The following OSBPL10 variants were observed in gnomAD, a reference collection of about 807,000 sequenced individuals.
The protein encoded by OSBPL10 is oxysterol-binding protein-related protein 10.
A neutral mutation model predicts 81.7 loss-of-function variants in OSBPL10; 49 were observed. The ratio of observed to expected loss-of-function variants is 0.60; its 90% CI spans 0.48 to 0.76. The LOEUF is 0.76. Among genes scored for constraint, OSBPL10 ranks in the 30% least tolerant of loss-of-function variants. The pLI, the probability that OSBPL10 is intolerant of heterozygous loss-of-function variation, is 0.00. For missense variants in OSBPL10, 923 were observed against 987.8 expected (o/e 0.93, Z 0.88); for synonymous variants, 419 against 383.6 (o/e 1.09, Z -1.08).
At chr3:31,757,105 C>G (rs375598983) in intron 4 of OSBPL10, among the ~76,000 whole-genome samples, 2 of 151,950 alleles carry the variant, frequency 1.3e-5, no homozygotes, top group East Asian at 1.9e-4. Flanking sequence ...AGGGTTTTTC[C>G]GTGAAAATTA....
intron 6 of OSBPL10, among the ~76,000 whole-genome samples, chr3:31,719,870 A>G (rs1256608470): frequency 6.6e-6 from 1 of 152,022 alleles, no homozygotes; most frequent in Non-Finnish European, 1.5e-5. Flanking sequence ...ACATAACTCC[A>G]TAAATTATGA....
chr3:31,706,936 A>G (rs1437361649), intron 6 of OSBPL10, among the ~76,000 whole-genome samples: 1 of 152,130 alleles, frequency 6.6e-6, no homozygotes, highest in Non-Finnish European at 1.5e-5. Flanking sequence ...CTCCTCAGAC[A>G]GATGACTCCC....
intron 1 of OSBPL10, among the ~76,000 whole-genome samples, chr3:31,900,095 G>A (rs567786342): frequency 6.7e-6 from 1 of 149,806 alleles, no homozygotes; most frequent in East Asian, 2.0e-4. Context: ...GTGAGATCAA[G>A]GCTCACTGCA....
chr3:31,942,551 A>G (rs1575050175), intron 1 of OSBPL10, among the ~76,000 whole-genome samples: 1 of 151,686 alleles, frequency 6.6e-6, no homozygotes, highest in East Asian at 1.9e-4. Context: ...AAAAAAAAAA[A>G]AAAAGTGACA....
At chr3:31,876,796 A>G (rs902129838) in intron 2 of OSBPL10, among the ~76,000 whole-genome samples, 2 of 152,254 alleles carry the variant, frequency 1.3e-5, no homozygotes, top group Non-Finnish European at 2.9e-5. Context: ...CTCCTCTGAA[A>G]AAAGTCATTT....
At chr3:32,067,920 C>T (rs915896361) in intron 1 of OSBPL10, among the ~76,000 whole-genome samples, 1 of 152,142 alleles carries the variant, frequency 6.6e-6, no homozygotes, top group African/African-American at 2.4e-5. Flanking sequence ...CACACAGATG[C>T]GTATGACATT....
intron 4 of OSBPL10, among the ~76,000 whole-genome samples, chr3:31,749,422 T>C (rs1168299301): frequency 6.6e-6 from 1 of 152,252 alleles, no homozygotes; most frequent in African/African-American, 2.4e-5. Flanking sequence ...ATTGTTTTTT[T>C]GCAGATTACA....
chr3:31,763,330 G>A (rs2125727555), intron 4 of OSBPL10, among the ~76,000 whole-genome samples: 1 of 152,328 alleles, frequency 6.6e-6, no homozygotes, highest in Middle Eastern at 3.4e-3. Flanking sequence ...ATACTGGATA[G>A]TAGATCAGTT....
intron 1 of OSBPL10, among the ~76,000 whole-genome samples, chr3:31,956,373 A>G (rs1165995196): frequency 6.6e-6 from 1 of 152,178 alleles, no homozygotes; most frequent in African/African-American, 2.4e-5. Flanking sequence ...AAGCAAACTG[A>G]GCAAAGCTTT....
At chr3:31,874,125 T>TA (rs397989091) in intron 3 of OSBPL10, among the ~76,000 whole-genome samples, 1 of 151,372 alleles carries the variant, frequency 6.6e-6, no homozygotes, top group Non-Finnish European at 1.5e-5. Context: ...TTTTTTTTTT[T>TA]AACTACCATT....
intron 4 of OSBPL10, among the ~76,000 whole-genome samples, chr3:31,762,468 T>C (rs1479030244): frequency 6.6e-6 from 1 of 151,630 alleles, no homozygotes; most frequent in African/African-American, 2.4e-5. Flanking sequence ...CAAGGCTGGT[T>C]ACTGTTTTTT....
intron 1 of OSBPL10, among the ~76,000 whole-genome samples, chr3:31,971,564 G>A (rs936600595): frequency 2.0e-5 from 3 of 152,132 alleles, no homozygotes; most frequent in African/African-American, 4.8e-5. Context: ...AAGAAACTGC[G>A]ACATAAAGGT....
At chr3:31,720,085 A>T (rs1696586457) in intron 6 of OSBPL10, among the ~76,000 whole-genome samples, 2 of 149,860 alleles carry the variant, frequency 1.3e-5, no homozygotes, top group Admixed American at 6.7e-5. Context: ...TTATATGTAT[A>T]TGTTTGCTGT....
chr3:31,821,424 A>G (rs1191791369), intron 4 of OSBPL10, among the ~76,000 whole-genome samples: 2 of 152,116 alleles, frequency 1.3e-5, no homozygotes, highest in Non-Finnish European at 2.9e-5. Flanking sequence ...CTGCTTCACT[A>G]TCAACAAATG....
intron 2 of OSBPL10, among the ~76,000 whole-genome samples, chr3:32,035,080 G>C (rs1296513765): frequency 6.6e-6 from 1 of 152,122 alleles, no homozygotes; most frequent in African/African-American, 2.4e-5. Flanking sequence ...CACACATACA[G>C]CTAGCCACAC....
chr3:31,763,128 A>G (rs946553153), intron 4 of OSBPL10, among the ~76,000 whole-genome samples: 2 of 152,228 alleles, frequency 1.3e-5, no homozygotes, highest in Non-Finnish European at 2.9e-5. Context: ...GCAAAGACGT[A>G]ATAAGAAAGG....
At chr3:31,974,717 G>A (rs7634861) in intron 1 of OSBPL10, among the ~76,000 whole-genome samples, 130 of 152,058 alleles carry the variant, frequency 8.5e-4, no homozygotes, top group Non-Finnish European at 1.6e-3. Flanking sequence ...AGCAGTTACC[G>A]TATGCGGGGA....
At chr3:31,936,774 G>A (rs943281721) in intron 1 of OSBPL10, among the ~76,000 whole-genome samples, 1 of 151,948 alleles carries the variant, frequency 6.6e-6, no homozygotes, top group Non-Finnish European at 1.5e-5. Flanking sequence ...AGAAAAATGT[G>A]TTTAAATTCC....
chr3:31,943,862 G>A (rs1471314143), intron 1 of OSBPL10, among the ~76,000 whole-genome samples: 2 of 149,642 alleles, frequency 1.3e-5, no homozygotes, highest in African/African-American at 4.9e-5. Context: ...CAGCTACTCA[G>A]GAGGCTGAAG....
Sources: allele counts gnomAD v4.1 joint callset (sites outside exome capture counted in the v4.1 genomes callset), GRCh38; gene constraint gnomAD v4.1.1; transcripts MANE v1.5; gene names NCBI Gene and HGNC (gene_info 2026-07-23, HGNC 2026-07-21).